LAMA1: variants seen among roughly 807,000 people sequenced by gnomAD.
LAMA1 encodes laminin subunit alpha 1.
A neutral mutation model predicts 348.7 loss-of-function variants in LAMA1; 219 were observed. The observed-to-expected ratio is 0.63, with a 90% CI of 0.56 to 0.70. The LOEUF (loss-of-function observed/expected upper bound fraction) is 0.70, where lower values mean the gene tolerates loss of function less well. LAMA1 is among the 30% of genes least tolerant of loss of function. The pLI, the probability that LAMA1 is intolerant of heterozygous loss-of-function variation, is 0.00. For synonymous variants in LAMA1, 1,487 were observed against 1,491.0 expected, an observed-to-expected ratio of 1.00 and a Z score of 0.06; for missense variants, 3,744 against 3,888.0, an observed-to-expected ratio of 0.96 and a Z score of 0.99.
At chr18:7,046,181 C>A in intron 6 of LAMA1, 97 bp downstream of exon 6, 1 of 798,838 alleles carries the variant, frequency 1.3e-6, no homozygotes, top group Non-Finnish European at 2.1e-6. Context: ...AATTTTATAC[C>A]TTTCATGTTT....
In LAMA1 at chr18:7,055,896, A is replaced by G. The variant is rs570677979; in HGVS notation, c.346-4960T>C. On this transcript the variant is annotated intron_variant, in intron 3 of 62. Transcript: ENST00000389658. ...GGAGATCGAGACCATCCTGGCTAAC[A>G]CAGTGAAACCCCGTCTCCACTAAAA... Among the ~76,000 whole-genome samples the G allele has an allele frequency of 2.2e-3, 339 of 152,020 alleles. 1 individual carries two copies. Among genetic ancestry groups the G allele is most frequent in the African/African-American group, 7.7e-3 (320 of 41,406 alleles).
chr18:7,050,395 T>C (rs2058057771), intron 4 of LAMA1, among the ~76,000 whole-genome samples: 1 of 152,200 alleles, frequency 6.6e-6, no homozygotes, highest in Non-Finnish European at 1.5e-5. Flanking sequence ...TTTAGCTCTC[T>C]AATATTTCAA....
intron 49 of LAMA1, chr18:6,965,895 T>A: frequency 3.9e-6 from 2 of 507,770 alleles, no homozygotes; most frequent in Non-Finnish European, 7.0e-6. Context: ...TTGATATCTA[T>A]AAAGACTAGA....
rs543987661 is a variant in LAMA1 at position 6,972,617 on chromosome 18, G to A, written c.6774+440C>T. Among the ~76,000 whole-genome samples the A allele has an allele frequency of 1.2e-4, 19 of 152,328 alleles. No individual in the cohort carries two copies. The South Asian group carries it at 3.5e-3, about 28-fold the overall frequency. ...ACCAGCCTAACTCTGCAGAGGAACT[G>A]TCAGAAAGCAAAACAAAAGCAGAAA... On this transcript the variant is annotated intron_variant, in intron 47 of 62. Coordinates refer to ENST00000389658, the MANE Select transcript of LAMA1 (RefSeq NM_005559.4).
At chr18:6,961,344 TAGAC>T (rs1207260097) in intron 53 of LAMA1, among the ~76,000 whole-genome samples, 6 of 152,124 alleles carry the variant, frequency 3.9e-5, no homozygotes, top group South Asian at 2.1e-4. Flanking sequence ...AAATTAGAGG[TAGAC>T]AGCAAATAAC....
intron 44 of LAMA1, among the ~76,000 whole-genome samples, chr18:6,977,311 C>T (rs2057687055): frequency 6.6e-6 from 1 of 152,176 alleles, no homozygotes; most frequent in African/African-American, 2.4e-5. Flanking sequence ...ACTACACAAA[C>T]ATTTTAAGGA....
intron 1 of LAMA1, among the ~76,000 whole-genome samples, chr18:7,082,569 TAG>T (rs2058197370): frequency 6.6e-6 from 1 of 152,370 alleles, no homozygotes; most frequent in African/African-American, 2.4e-5. Context: ...TTATTCTATT[TAG>T]TACTAAGATA....
At chr18:6,947,879 T>C (rs988833147) in intron 60 of LAMA1, among the ~76,000 whole-genome samples, 2 of 152,104 alleles carry the variant, frequency 1.3e-5, no homozygotes, top group South Asian at 2.1e-4. Context: ...GAAGATGGTA[T>C]GCCCAGAGCT....
intron 37 of LAMA1, among the ~76,000 whole-genome samples, 171 bp from the exon 38 acceptor site, chr18:6,985,814 G>A (rs1294823126): frequency 2.0e-5 from 3 of 152,110 alleles, no homozygotes; most frequent in African/African-American, 4.8e-5. Context: ...GCTGGAGTGC[G>A]GTGGCATGAT....
chr18:7,057,461 CTTTTCTTTTCTTTT>C (rs2058086193), intron 3 of LAMA1, among the ~76,000 whole-genome samples: 2 of 128,250 alleles, frequency 1.6e-5, no homozygotes, highest in African/African-American at 6.3e-5. Flanking sequence ...TCTTTCTTTT[CTTTTCTTTTCTTTT>C]TTTTTTTTTT....
chr18:7,017,235 T>A (rs1452310959), intron 20 of LAMA1, 43 bp downstream of exon 20: 6 of 1,490,714 alleles, frequency 4.0e-6, no homozygotes, highest in Non-Finnish European at 5.6e-6. Context: ...TTCAATCGCC[T>A]CTGTACCAAG....
Position 7,071,128 on chromosome 18 carries a change from A to G in LAMA1, c.345+8847T>C, listed in dbSNP as rs374539393. Among the ~76,000 whole-genome samples the G allele has an allele frequency of 1.8e-3, 277 of 152,318 alleles. 1 individual carries two copies. The highest frequency in any genetic ancestry group is 6.2e-3 in the African/African-American group (258 of 41,560). ...CATAAAGTCAGAACAAAGGAAAACAATAATTGGAGACCAAAGACAAGGAGA... is the reference window on the plus strand; with the variant it reads ...CATAAAGTCAGAACAAAGGAAAACAGTAATTGGAGACCAAAGACAAGGAGA... On this transcript the variant is annotated intron_variant, in intron 3 of 62. Coordinates refer to ENST00000389658, the MANE Select transcript of LAMA1 (RefSeq NM_005559.4).
At chr18:6,967,882 T>C (rs2057640773) in intron 48 of LAMA1, among the ~76,000 whole-genome samples, 1 of 152,154 alleles carries the variant, frequency 6.6e-6, no homozygotes, top group Admixed American at 6.5e-5. Flanking sequence ...GCGGGGGCTC[T>C]GCTACTGGGT....
At chr18:6,948,315 TG>T in intron 60 of LAMA1, 87 bp downstream of exon 60, 1 of 1,549,300 alleles carries the variant, frequency 6.5e-7, no homozygotes, top group Non-Finnish European at 8.9e-7. Context: ...CCTTGTCCAG[TG>T]GGTCCTGTCT....
chr18:7,002,413 G>T, intron 29 of LAMA1, 28 bp from the exon 30 acceptor site: 7 of 1,610,702 alleles, frequency 4.3e-6, no homozygotes, highest in Admixed American at 1.7e-5. Context: ...AAGGAAGGGG[G>T]AAAAAATGGG....
chr18:6,979,601 T>C (rs1297777837), intron 42 of LAMA1, among the ~76,000 whole-genome samples: 2 of 152,228 alleles, frequency 1.3e-5, no homozygotes, highest in Admixed American at 6.5e-5. Flanking sequence ...AAAAAAATTA[T>C]CCTATTTAAA....
chr18:6,975,673 G>A (rs990068516), intron 45 of LAMA1, among the ~76,000 whole-genome samples: 1 of 152,044 alleles, frequency 6.6e-6, no homozygotes, highest in African/African-American at 2.4e-5. Context: ...GGGGTCAACG[G>A]GGGAATCACA....
intron 16 of LAMA1, among the ~76,000 whole-genome samples, chr18:7,031,329 T>G (rs1176651409): frequency 6.6e-6 from 1 of 152,154 alleles, no homozygotes; most frequent in African/African-American, 2.4e-5. Context: ...TGATTGAAGT[T>G]AAGAAACAAG....
chr18:7,007,279 G>A lies in LAMA1; in HGVS notation c.4123-3C>T, dbSNP rs144582970. 1.2e-6 allele frequency: 2 copies of A among 1,613,282 alleles called. No individual in the cohort carries two copies. Among genetic ancestry groups the A allele is most frequent in the East Asian group, 2.2e-5 (1 of 44,856 alleles). Reference sequence around the variant, plus strand: ...CTGTGGTACCCAGGGGCGCAGTCCTGAGGGGGTGCAAAAGGGAGGACAAAA... The same window carrying A: ...CTGTGGTACCCAGGGGCGCAGTCCTAAGGGGGTGCAAAAGGGAGGACAAAA... On this transcript the variant is annotated splice_region_variant and splice_polypyrimidine_tract_variant and intron_variant, in intron 28 of 62. Transcript: ENST00000389658.
Sources: gnomAD v4.1 joint callset for allele counts (sites outside exome capture counted in the v4.1 genomes callset) on GRCh38, gnomAD v4.1.1 for gene constraint, MANE v1.5 for transcripts, NCBI Gene and HGNC (gene_info 2026-07-23, HGNC 2026-07-21) for gene names.